Variants in RBPJ observed in about 807,000 individuals in gnomAD.
RBPJ encodes recombining binding protein suppressor of hairless.
In RBPJ, 9 loss-of-function variants were observed where a neutral mutation model predicts 67.8. That is an observed-to-expected ratio of 0.13 (90% confidence interval 0.08 to 0.23). The LOEUF (loss-of-function observed/expected upper bound fraction) is 0.23. Among genes scored for constraint, RBPJ ranks in the 10% least tolerant of loss-of-function variants. The pLI, the probability that RBPJ is intolerant of heterozygous loss-of-function variation, is 1.00. For missense variants in RBPJ, 305 were observed against 595.6 expected (o/e 0.51, Z 5.08); for synonymous variants, 198 against 203.3 (o/e 0.97, Z 0.22).
intron 1 of RBPJ, among the ~76,000 whole-genome samples, chr4:26,186,313 A>C (rs1717257968): frequency 6.6e-6 from 1 of 152,012 alleles, no homozygotes; most frequent in South Asian, 2.1e-4. Context: ...TCATCTGTTA[A>C]ATTGGGATAA....
chr4:26,263,187 A>G (rs1384455761), intron 1 of RBPJ, among the ~76,000 whole-genome samples: 1 of 152,160 alleles, frequency 6.6e-6, no homozygotes, highest in Non-Finnish European at 1.5e-5. Context: ...AAAACTGCTC[A>G]TCTATTTGGT....
At chr4:26,360,764 TA>T (rs1459644875) in intron 1 of RBPJ, among the ~76,000 whole-genome samples, 1 of 151,588 alleles carries the variant, frequency 6.6e-6, no homozygotes, top group Non-Finnish European at 1.5e-5. Flanking sequence ...GGGTTTTTTT[TA>T]TTTTTTTTTT....
intron 1 of RBPJ, among the ~76,000 whole-genome samples, chr4:26,247,866 T>G (rs1719979830): frequency 6.6e-6 from 1 of 152,114 alleles, no homozygotes; most frequent in South Asian, 2.1e-4. Context: ...AGTGCAATAG[T>G]TGGGAAACTA....
At chr4:26,126,981 G>T in the RBPJ span, among the ~76,000 whole-genome samples, 1 of 152,214 alleles carries the variant, frequency 6.6e-6, no homozygotes, top group African/African-American at 2.4e-5. Flanking sequence ...GGGATGTGTG[G>T]TGCCCCTAGT....
chr4:26,397,960 A>G (rs1732314706), intron 2 of RBPJ, among the ~76,000 whole-genome samples: 1 of 152,076 alleles, frequency 6.6e-6, no homozygotes, highest in South Asian at 2.1e-4. Context: ...TGTAAAAGGC[A>G]TGCTTAGCTC....
At chr4:26,425,202 A>T (rs1460567259) in intron 7 of RBPJ, among the ~76,000 whole-genome samples, 7 of 152,170 alleles carry the variant, frequency 4.6e-5, no homozygotes, top group Non-Finnish European at 1.5e-5. Flanking sequence ...TTACTCTCTC[A>T]CAAGAAGATA....
intron 1 of RBPJ, among the ~76,000 whole-genome samples, chr4:26,164,421 T>C (rs1301812669): frequency 6.6e-6 from 1 of 152,210 alleles, no homozygotes; most frequent in African/African-American, 2.4e-5. Context: ...TTCTGAGCTC[T>C]GAGCTCTGGC....
chr4:26,124,459 T>TATATATATATATAC, the RBPJ span, among the ~76,000 whole-genome samples: 2 of 119,002 alleles, frequency 1.7e-5, no homozygotes, highest in African/African-American at 6.1e-5. Context: ...TATATATATA[T>TATATATATATATAC]ATACCAGTTT....
At chr4:26,381,167 A>ACTT (rs1730288347) in intron 1 of RBPJ, among the ~76,000 whole-genome samples, 1 of 151,004 alleles carries the variant, frequency 6.6e-6, no homozygotes, top group South Asian at 2.1e-4. Flanking sequence ...AGGTGTTAAG[A>ACTT]TGGTGTAGTT....
At chr4:26,289,733 A>T (rs1024001750) in intron 1 of RBPJ, among the ~76,000 whole-genome samples, 2 of 150,748 alleles carry the variant, frequency 1.3e-5, no homozygotes, top group Non-Finnish European at 3.0e-5. Flanking sequence ...AAGTTGGTTA[A>T]TATATTTGAG....
chr4:26,404,116 C>G (rs1264170701), intron 2 of RBPJ, among the ~76,000 whole-genome samples: 1 of 148,602 alleles, frequency 6.7e-6, no homozygotes, highest in Admixed American at 6.9e-5. Flanking sequence ...TTGCATTTCT[C>G]TAATGATCAG....
At chr4:26,350,283 TC>T (rs746144556) in intron 1 of RBPJ, among the ~76,000 whole-genome samples, 9 of 152,194 alleles carry the variant, frequency 5.9e-5, no homozygotes, top group Non-Finnish European at 1.3e-4. Context: ...AATACTAGTT[TC>T]CCCACTCTGC....
chr4:26,222,633 AAT>A (rs10673072), intron 1 of RBPJ, among the ~76,000 whole-genome samples: 3,146 of 135,882 alleles, frequency 0.023, 94 homozygotes, highest in African/African-American at 0.072. Flanking sequence ...TGTACTCTGA[AAT>A]ATATATATAT....
At chr4:26,369,721 T>C (rs571556861) in intron 1 of RBPJ, among the ~76,000 whole-genome samples, 36 of 152,322 alleles carry the variant, frequency 2.4e-4, no homozygotes, top group African/African-American at 8.7e-4. Flanking sequence ...CCTTTTATGG[T>C]CACTAGATAC....
chr4:26,252,579 G>A (rs527805030), intron 1 of RBPJ, among the ~76,000 whole-genome samples: 3 of 152,252 alleles, frequency 2.0e-5, no homozygotes, highest in Admixed American at 6.5e-5. Context: ...GAGGGAGACC[G>A]CTGACTCAAA....
At chr4:26,336,307 T>C (rs1358980947) in intron 1 of RBPJ, among the ~76,000 whole-genome samples, 2 of 152,198 alleles carry the variant, frequency 1.3e-5, no homozygotes, top group African/African-American at 2.4e-5. Context: ...GGAAGAGTTA[T>C]GGTTACTATT....
At chr4:26,268,476 C>G (rs1443072697) in intron 1 of RBPJ, among the ~76,000 whole-genome samples, 2 of 152,118 alleles carry the variant, frequency 1.3e-5, no homozygotes, top group Admixed American at 1.3e-4. Flanking sequence ...CAGGCCCAAC[C>G]CTTAATGAAC....
the RBPJ span, among the ~76,000 whole-genome samples, chr4:26,145,474 A>G: frequency 6.6e-6 from 1 of 152,206 alleles, no homozygotes; most frequent in Admixed American, 6.5e-5. Context: ...CAAATGCACT[A>G]ATCTTCGAGT....
intron 1 of RBPJ, among the ~76,000 whole-genome samples, chr4:26,376,949 G>A (rs780927114): frequency 6.6e-6 from 1 of 152,150 alleles, no homozygotes; most frequent in Non-Finnish European, 1.5e-5. Context: ...TTAGAGAAAT[G>A]TCTATTCCTT....
Sources: allele counts gnomAD v4.1 joint callset (sites outside exome capture counted in the v4.1 genomes callset), GRCh38; gene constraint gnomAD v4.1.1; transcripts MANE v1.5; gene names NCBI Gene and HGNC (gene_info 2026-07-23, HGNC 2026-07-21).